Variants in TTC28 observed in about 807,000 individuals in gnomAD.
TTC28 encodes tetratricopeptide repeat domain 28.
Under a neutral mutation model 198.0 loss-of-function variants are expected in TTC28, and 61 were observed. That is an observed-to-expected ratio of 0.31 (90% CI 0.25 to 0.38). TTC28 has a LOEUF of 0.38. Ranked by LOEUF, TTC28 falls within the 10% of genes least tolerant of loss-of-function variation. The pLI, the probability that TTC28 is intolerant of heterozygous loss-of-function variation, is 1.00. For synonymous variants in TTC28, 1,171 were observed against 1,297.8 expected, an observed-to-expected ratio of 0.90 and a Z score of 2.10; for missense variants, 2,678 against 3,164.0, an observed-to-expected ratio of 0.85 and a Z score of 3.69.
intron 13 of TTC28, among the ~76,000 whole-genome samples, chr22:28,025,049 AGCCAGG>A (rs1938773101): frequency 6.6e-6 from 1 of 152,218 alleles, no homozygotes; most frequent in African/African-American, 2.4e-5. Flanking sequence ...GGGGGTTCAA[AGCCAGG>A]GCTATAGCTG....
In TTC28 at chr22:28,041,984, C is replaced by T. The variant is rs575098228; in HGVS notation, c.3933-11618G>A. On this transcript the variant is annotated intron_variant, in intron 12 of 22. Coordinates refer to ENST00000397906, the MANE Select transcript of TTC28 (RefSeq NM_001145418.2). ...GCCAACAGACATATGAAAAAATGCT[C>T]ATCATCACTGGTCATTAGAAAAATG... Among the ~76,000 whole-genome samples the T allele has an allele frequency of 3.3e-4, 50 of 152,230 alleles. 1 individual carries two copies. In the South Asian group the frequency reaches 1.0e-2, roughly 30 times the overall value.
At chr22:28,274,374 C>G (rs947140382) in intron 5 of TTC28, among the ~76,000 whole-genome samples, 3 of 152,208 alleles carry the variant, frequency 2.0e-5, no homozygotes, top group African/African-American at 7.2e-5. Flanking sequence ...AAATGATTCA[C>G]ACACAACTTC....
chr22:28,293,404 T>C (rs908528816), intron 5 of TTC28, among the ~76,000 whole-genome samples: 1 of 152,050 alleles, frequency 6.6e-6, no homozygotes, highest in African/African-American at 2.4e-5. Context: ...CATTTATATA[T>C]GGAGTCTAAA....
chr22:28,657,534 C>G (rs2051678146), intron 1 of TTC28, among the ~76,000 whole-genome samples: 1 of 152,200 alleles, frequency 6.6e-6, no homozygotes, highest in South Asian at 2.1e-4. Context: ...CTGTCCCACT[C>G]AGAAATCAGA....
intron 6 of TTC28, among the ~76,000 whole-genome samples, chr22:28,112,532 A>G (rs1218969191): frequency 6.6e-6 from 1 of 152,190 alleles, no homozygotes; most frequent in African/African-American, 2.4e-5. Flanking sequence ...GAAGAGATGG[A>G]TGAGGCCGAA....
intron 1 of TTC28, among the ~76,000 whole-genome samples, chr22:28,657,049 T>C (rs1040168119): frequency 3.3e-5 from 5 of 152,200 alleles, no homozygotes; most frequent in African/African-American, 1.2e-4. Context: ...TATACAGGTA[T>C]TGAATTCTTT....
chr22:28,548,308 A>G (rs968838795), intron 2 of TTC28, among the ~76,000 whole-genome samples: 1 of 152,218 alleles, frequency 6.6e-6, no homozygotes, highest in Non-Finnish European at 1.5e-5. Context: ...CAAAGAAATA[A>G]TCAATTCATT....
At chr22:28,098,252 G>A (rs2146871101) in intron 10 of TTC28, among the ~76,000 whole-genome samples, 1 of 152,320 alleles carries the variant, frequency 6.6e-6, no homozygotes, top group African/African-American at 2.4e-5. Flanking sequence ...TGAAAGATGT[G>A]TGGATGAGGA....
At chr22:28,362,769 A>T (rs1386520385) in intron 2 of TTC28, among the ~76,000 whole-genome samples, 2 of 152,194 alleles carry the variant, frequency 1.3e-5, no homozygotes, top group Non-Finnish European at 2.9e-5. Context: ...AGAGACTGGC[A>T]GCATTTTGCC....
intron 2 of TTC28, among the ~76,000 whole-genome samples, chr22:28,594,528 G>A (rs1210453983): frequency 6.8e-6 from 1 of 147,874 alleles, no homozygotes; most frequent in East Asian, 1.9e-4. Flanking sequence ...AAAAAAGGTT[G>A]AGACTCATTG....
At chr22:28,131,720 G>C (rs542421970) in intron 6 of TTC28, among the ~76,000 whole-genome samples, 2 of 152,286 alleles carry the variant, frequency 1.3e-5, no homozygotes, top group South Asian at 4.2e-4. Context: ...CAAAGTGTCA[G>C]TTTCTTCATC....
intron 21 of TTC28, among the ~76,000 whole-genome samples, chr22:27,987,743 T>C (rs1937263184): frequency 6.6e-6 from 1 of 152,136 alleles, no homozygotes; most frequent in South Asian, 2.1e-4. Flanking sequence ...GGCTTCCTCT[T>C]GCTGACTCAC....
intron 6 of TTC28, among the ~76,000 whole-genome samples, chr22:28,121,717 C>A (rs766765840): frequency 4.3e-4 from 65 of 152,340 alleles, no homozygotes; most frequent in Non-Finnish European, 8.7e-4. Context: ...CTCCTCCTCT[C>A]CTGCCTGCCT....
chr22:28,151,811 A>C (rs752757266), intron 6 of TTC28, among the ~76,000 whole-genome samples: 2 of 152,122 alleles, frequency 1.3e-5, no homozygotes, highest in Non-Finnish European at 2.9e-5. Flanking sequence ...GGCCTGTGAT[A>C]TCTCAATTTT....
At chr22:28,009,573 T>C (rs980308731) in intron 14 of TTC28, among the ~76,000 whole-genome samples, 2 of 152,192 alleles carry the variant, frequency 1.3e-5, no homozygotes, top group African/African-American at 4.8e-5. Context: ...ATCCAGGCCT[T>C]CCCCTCCACC....
At chr22:28,384,038 T>C (rs143972108) in intron 2 of TTC28, among the ~76,000 whole-genome samples, 6 of 152,278 alleles carry the variant, frequency 3.9e-5, no homozygotes, top group Non-Finnish European at 7.4e-5. Context: ...GTGAGCAGAG[T>C]AAGCACATCC....
chr22:28,221,666 G>A (rs912531582), intron 5 of TTC28, among the ~76,000 whole-genome samples: 7 of 152,108 alleles, frequency 4.6e-5, no homozygotes, highest in Non-Finnish European at 8.8e-5. Flanking sequence ...AACAGGGCAC[G>A]GACTTGCATG....
chr22:28,678,711 T>C lies in TTC28; in HGVS notation c.102+911A>G, dbSNP rs1367972547. On this transcript the variant is annotated intron_variant, in intron 1 of 22. Coordinates refer to ENST00000397906, the MANE Select transcript of TTC28 (RefSeq NM_001145418.2). ...AACTCCTATGCTGCACTCTCCCTAA[T>C]AATTTAGACTTTCTACAGATATTTT... 5.3e-5 allele frequency among the ~76,000 whole-genome samples: 8 copies of C among 152,184 alleles called. No homozygotes were observed. The South Asian group carries it at 8.3e-4, about 16-fold the overall frequency.
At position 28,162,803 on chromosome 22, in the gene TTC28, A is replaced by G. The variant is rs1921367044; in HGVS notation, c.1441+289T>C. ...TGTCTCTACAAAAAATTTAAAAAAT[A>G]GCCAGGTGTACTGGCGTGTGCCTGT... On this transcript the variant is annotated intron_variant, in intron 6 of 22. Coordinates refer to ENST00000397906, the MANE Select transcript of TTC28 (RefSeq NM_001145418.2). 2.0e-5 allele frequency among the ~76,000 whole-genome samples: 3 copies of G among 152,150 alleles called. No individual in the cohort carries two copies. In the South Asian group the frequency reaches 6.2e-4, roughly 32 times the overall value.
Sources: allele counts gnomAD v4.1 joint callset (sites outside exome capture counted in the v4.1 genomes callset), GRCh38; gene constraint gnomAD v4.1.1; transcripts MANE v1.5; gene names NCBI Gene and HGNC (gene_info 2026-07-23, HGNC 2026-07-21).